ANO3: variants seen among roughly 807,000 people sequenced by gnomAD.
The protein encoded by ANO3 is anoctamin 3.
Under a neutral mutation model 144.8 loss-of-function variants are expected in ANO3, and 99 were observed. The observed-to-expected ratio is 0.68, with a 90% CI of 0.58 to 0.81. The LOEUF is 0.81. Among genes scored for constraint, ANO3 ranks in the 30% least tolerant of loss-of-function variants. The probability of loss-of-function intolerance (pLI) is 0.00; values close to 1 mark genes in which losing one functional copy is unlikely to be tolerated. For missense variants in ANO3, 905 were observed against 1,202.2 expected, an observed-to-expected ratio of 0.75 and a Z score of 3.66; for synonymous variants, 414 against 392.6, an observed-to-expected ratio of 1.05 and a Z score of -0.64.
At chr11:26,470,901 CCAAA>C (rs1359806893) in intron 4 of ANO3, among the ~76,000 whole-genome samples, 1 of 151,844 alleles carries the variant, frequency 6.6e-6, no homozygotes, top group African/African-American at 2.4e-5. Context: ...GTCTTGTTTT[CCAAA>C]CAGTTTTTCC....
chr11:26,227,726 T>A (rs1181998415), intron 1 of ANO3, among the ~76,000 whole-genome samples: 1 of 152,160 alleles, frequency 6.6e-6, no homozygotes, highest in African/African-American at 2.4e-5. Flanking sequence ...TTCAATCACG[T>A]CGAATGCTTT....
chr11:26,567,248 C>T, intron 14 of ANO3: 1 of 630,656 alleles, frequency 1.6e-6, no homozygotes, highest in Non-Finnish European at 2.4e-6. Context: ...AAAAAATAGA[C>T]TTTTTTTTCC....
At chr11:26,535,192 T>C (rs556527528) in intron 9 of ANO3, among the ~76,000 whole-genome samples, 38 of 152,312 alleles carry the variant, frequency 2.5e-4, no homozygotes, top group Admixed American at 5.9e-4. Context: ...TAGAAGAATA[T>C]GTAAGAAACT....
chr11:26,262,964 G>A (rs1158171287), intron 1 of ANO3, among the ~76,000 whole-genome samples: 1 of 152,156 alleles, frequency 6.6e-6, no homozygotes, highest in African/African-American at 2.4e-5. Flanking sequence ...ATACTCATCA[G>A]ATATTTACTG....
At chr11:26,417,601 G>A (rs551413803) in intron 1 of ANO3, among the ~76,000 whole-genome samples, 1 of 151,968 alleles carries the variant, frequency 6.6e-6, no homozygotes, top group African/African-American at 2.4e-5. Flanking sequence ...TAGGAAGAGT[G>A]GTACCTGTAG....
upstream of ANO3, among the ~76,000 whole-genome samples, chr11:26,330,247 T>G (rs1186566793): frequency 2.0e-5 from 3 of 152,074 alleles, no homozygotes; most frequent in African/African-American, 7.2e-5. Flanking sequence ...CTGAGTTCTA[T>G]CAGAATTTTA....
chr11:26,519,914 CA>C (rs5790583), intron 6 of ANO3, among the ~76,000 whole-genome samples: 120,603 of 151,990 alleles, frequency 0.79, 48,012 homozygotes, highest in East Asian at 0.84. Context: ...AATGGGAACA[CA>C]ATTCTATGGT....
chr11:26,401,401 A>G (rs1469019387), intron 1 of ANO3, among the ~76,000 whole-genome samples: 1 of 152,056 alleles, frequency 6.6e-6, no homozygotes, highest in African/African-American at 2.4e-5. Context: ...GCACATCCAT[A>G]GTATCCGCTT....
intron 1 of ANO3, among the ~76,000 whole-genome samples, chr11:26,408,241 T>C (rs1312293717): frequency 2.0e-5 from 3 of 151,772 alleles, no homozygotes; most frequent in Non-Finnish European, 4.4e-5. Context: ...AAAGGGCTAA[T>C]ATCCAGAATC....
intron 1 of ANO3, among the ~76,000 whole-genome samples, chr11:26,352,374 T>C (rs536100824): frequency 2.0e-5 from 3 of 152,304 alleles, no homozygotes; most frequent in African/African-American, 7.2e-5. Flanking sequence ...ATATTTTATT[T>C]TTTTATTTTT....
chr11:26,494,377 A>G (rs373647373), intron 4 of ANO3, among the ~76,000 whole-genome samples: 21 of 152,188 alleles, frequency 1.4e-4, no homozygotes, highest in African/African-American at 4.3e-4. Context: ...CATCTTCACA[A>G]TTTTGTCAGG....
intron 14 of ANO3, among the ~76,000 whole-genome samples, chr11:26,588,026 CTG>C (rs999005837): frequency 2.6e-5 from 4 of 151,126 alleles, no homozygotes; most frequent in African/African-American, 9.7e-5. Flanking sequence ...TTTTTAATCA[CTG>C]ATTATTTAAA....
chr11:26,413,621 G>T (rs1857490820), intron 1 of ANO3, among the ~76,000 whole-genome samples: 1 of 151,894 alleles, frequency 6.6e-6, no homozygotes, highest in African/African-American at 2.4e-5. Context: ...TGGGAGGAAG[G>T]TTGCACACCC....
chr11:26,543,949 G>A (rs941060399), intron 11 of ANO3, among the ~76,000 whole-genome samples: 7 of 151,450 alleles, frequency 4.6e-5, no homozygotes, highest in African/African-American at 1.2e-4. Context: ...TAAGTGTTTT[G>A]GTATGTTCAG....
intron 1 of ANO3, among the ~76,000 whole-genome samples, chr11:26,335,601 A>C (rs1392649628): frequency 6.6e-6 from 1 of 152,180 alleles, no homozygotes. Context: ...TAACTTTATA[A>C]TCTAAAATGT....
chr11:26,541,025 A>G (rs765427861), intron 10 of ANO3, among the ~76,000 whole-genome samples: 9 of 152,226 alleles, frequency 5.9e-5, no homozygotes, highest in Non-Finnish European at 4.4e-5. Flanking sequence ...TATTCACAAT[A>G]GCAAAGACTT....
chr11:26,656,042 T>TA, intron 24 of ANO3, 83 bp from the exon 25 acceptor site: 1 of 1,121,020 alleles, frequency 8.9e-7, no homozygotes, highest in Non-Finnish European at 1.3e-6. Context: ...AATACATTTG[T>TA]AAAATCCTGG....
intron 1 of ANO3, among the ~76,000 whole-genome samples, chr11:26,387,699 C>T (rs1338357904): frequency 6.6e-6 from 1 of 151,916 alleles, no homozygotes; most frequent in African/African-American, 2.4e-5. Context: ...TTCCTTGTGT[C>T]TTTGGGTTAT....
chr11:26,215,585 AATATT>A (rs1180774258), intron 1 of ANO3, among the ~76,000 whole-genome samples: 1 of 152,006 alleles, frequency 6.6e-6, no homozygotes, highest in Non-Finnish European at 1.5e-5. Flanking sequence ...TTTATTGAAA[AATATT>A]ATTAGAAACC....
Sources: gnomAD v4.1 joint callset for allele counts (sites outside exome capture counted in the v4.1 genomes callset) on GRCh38, gnomAD v4.1.1 for gene constraint, MANE v1.5 for transcripts, NCBI Gene and HGNC (gene_info 2026-07-23, HGNC 2026-07-21) for gene names.